Variants in ASIC2 observed in about 807,000 individuals in gnomAD.
ASIC2 encodes acid-sensing ion channel 2.
In ASIC2, 25 loss-of-function variants were observed where a neutral mutation model predicts 57.3. The observed-to-expected ratio is 0.44, with a 90% CI of 0.32 to 0.61. The LOEUF (loss-of-function observed/expected upper bound fraction) is 0.61. Ranked by LOEUF, ASIC2 falls within the 20% of genes least tolerant of loss-of-function variation. The pLI is 0.06. For missense variants in ASIC2, 641 were observed against 738.1 expected (o/e 0.87, Z 1.52); for synonymous variants, 319 against 307.5 (o/e 1.04, Z -0.39).
chr17:33,699,291 G>T (rs1422812945), intron 1 of ASIC2, among the ~76,000 whole-genome samples: 2 of 152,132 alleles, frequency 1.3e-5, no homozygotes, highest in African/African-American at 2.4e-5. Context: ...TCCTTAGCGT[G>T]GAGCTTCTGG....
At chr17:33,179,161 A>G (rs891521257) in intron 1 of ASIC2, among the ~76,000 whole-genome samples, 6 of 152,088 alleles carry the variant, frequency 3.9e-5, no homozygotes, top group Admixed American at 1.3e-4. Flanking sequence ...AGGCTCAAAC[A>G]CTATGTAGCC....
chr17:33,214,563 T>C (rs944592486), intron 1 of ASIC2, among the ~76,000 whole-genome samples: 7 of 152,222 alleles, frequency 4.6e-5, no homozygotes, highest in African/African-American at 1.7e-4. Flanking sequence ...TCATCTTCAA[T>C]CTCAAAGCCT....
intron 1 of ASIC2, among the ~76,000 whole-genome samples, chr17:34,154,968 C>A (rs1312263293): frequency 6.6e-6 from 1 of 152,114 alleles, no homozygotes; most frequent in African/African-American, 2.4e-5. Context: ...AACTGGAGAA[C>A]CCTGGCAGCA....
chr17:33,746,413 T>A (rs189273176), intron 1 of ASIC2, among the ~76,000 whole-genome samples: 159 of 147,882 alleles, frequency 1.1e-3, no homozygotes, highest in Non-Finnish European at 1.5e-3. Context: ...TGTATGTATA[T>A]CTGTAGATAC....
intron 1 of ASIC2, among the ~76,000 whole-genome samples, chr17:33,553,479 G>A (rs1915811246): frequency 6.8e-6 from 1 of 147,770 alleles, no homozygotes; most frequent in South Asian, 2.1e-4. Flanking sequence ...TTGGGAGGCA[G>A]ATCCTTTATT....
At chr17:33,841,933 A>G (rs1913449282) in intron 1 of ASIC2, among the ~76,000 whole-genome samples, 2 of 152,064 alleles carry the variant, frequency 1.3e-5, no homozygotes, top group African/African-American at 2.4e-5. Context: ...GCCGCCTTAT[A>G]TACGGAGAAT....
rs115200079 is a variant in ASIC2 at position 33,439,592 on chromosome 17, T to C, written c.556-327525A>G. ...GTGTACTCCATACTCATTGGTGCTT[T>C]ATTTGAGTGGGGTTTCAGGCATGTT... On this transcript the variant is annotated intron_variant, in intron 1 of 9. Transcript: ENST00000359872. 1.9e-3 allele frequency among the ~76,000 whole-genome samples: 282 copies of C among 152,264 alleles called. 1 individual carries two copies. The highest frequency in any genetic ancestry group is 6.2e-3 in the African/African-American group (258 of 41,548).
At chr17:33,284,835 T>C (rs1031158195) in intron 1 of ASIC2, among the ~76,000 whole-genome samples, 4 of 152,188 alleles carry the variant, frequency 2.6e-5, no homozygotes, top group Admixed American at 6.5e-5. Context: ...AGGTACCCAA[T>C]ACAAATCCTA....
At chr17:34,151,121 A>AT (rs200309922) in intron 1 of ASIC2, among the ~76,000 whole-genome samples, 187 of 150,738 alleles carry the variant, frequency 1.2e-3, no homozygotes, top group African/African-American at 3.2e-3. Flanking sequence ...AAAAAAAAAA[A>AT]AAAATAAAGA....
intron 1 of ASIC2, among the ~76,000 whole-genome samples, chr17:33,303,817 A>G (rs1243115826): frequency 1.3e-5 from 2 of 152,108 alleles, no homozygotes; most frequent in Admixed American, 6.5e-5. Context: ...TTCATTCAAT[A>G]TTTCTCAGCA....
chr17:34,151,902 A>G (rs552772464), intron 1 of ASIC2, among the ~76,000 whole-genome samples: 4 of 152,298 alleles, frequency 2.6e-5, no homozygotes, highest in African/African-American at 9.6e-5. Flanking sequence ...AGATGAGACA[A>G]TCAAGGTTAA....
chr17:34,101,964 T>A lies in ASIC2; in HGVS notation c.555+54014A>T, dbSNP rs186304895. ...AATAATTATAGCTTACAGTTCTACTTTTACATTTTATAAACACCTAAATGC... is the reference window on the plus strand; with the variant it reads ...AATAATTATAGCTTACAGTTCTACTATTACATTTTATAAACACCTAAATGC... On this transcript the variant is annotated intron_variant, in intron 1 of 9. Coordinates refer to the ASIC2 transcript ENST00000359872. Among the ~76,000 whole-genome samples, 379 of 152,284 alleles carry A rather than the reference T, an allele frequency of 2.5e-3. 2 individuals are homozygous for A. Among genetic ancestry groups the A allele is most frequent in the African/African-American group, 8.9e-3 (370 of 41,558 alleles).
At chr17:34,037,569 G>A (rs1037526120) in intron 1 of ASIC2, 17 of 1,420,388 alleles carry the variant, frequency 1.2e-5, no homozygotes, top group African/African-American at 4.5e-5. Context: ...GCTGCTGAAC[G>A]CCATTTGTCC....
At chr17:33,238,636 C>A (rs1908385888) in intron 1 of ASIC2, among the ~76,000 whole-genome samples, 1 of 152,232 alleles carries the variant, frequency 6.6e-6, no homozygotes, top group African/African-American at 2.4e-5. Flanking sequence ...ACCGGGCCCA[C>A]TCCTGCCTCA....
intron 1 of ASIC2, among the ~76,000 whole-genome samples, chr17:33,126,695 A>G (rs1404307898): frequency 6.6e-6 from 1 of 151,642 alleles, no homozygotes; most frequent in Non-Finnish European, 1.5e-5. Flanking sequence ...CTGAGGCAGG[A>G]GAATCGCTTG....
chr17:33,415,745 C>CAGAG (rs1205763757), intron 1 of ASIC2, among the ~76,000 whole-genome samples: 4 of 152,064 alleles, frequency 2.6e-5, no homozygotes, highest in Non-Finnish European at 4.4e-5. Context: ...AATAAGATAG[C>CAGAG]AGAGAGAGCA....
chr17:33,666,898 T>C (rs1907492081), intron 1 of ASIC2, among the ~76,000 whole-genome samples: 1 of 152,210 alleles, frequency 6.6e-6, no homozygotes, highest in East Asian at 1.9e-4. Context: ...TTCAGATCAA[T>C]AAATAATGAT....
At chr17:33,017,725 A>T in intron 7 of ASIC2, 41 bp from the exon 8 acceptor site, 2 of 1,575,232 alleles carry the variant, frequency 1.3e-6, no homozygotes, top group Non-Finnish European at 1.7e-6. Flanking sequence ...GCTTTTATGC[A>T]GCTTCCAGGA....
upstream of ASIC2, among the ~76,000 whole-genome samples, chr17:33,297,702 T>C (rs1225500736): frequency 3.3e-5 from 5 of 151,944 alleles, no homozygotes; most frequent in African/African-American, 1.2e-4. Flanking sequence ...TGCACGTCTG[T>C]AGTTCTAGTT....
Sources: allele counts gnomAD v4.1 joint callset (sites outside exome capture counted in the v4.1 genomes callset), GRCh38; gene constraint gnomAD v4.1.1; transcripts MANE v1.5; gene names NCBI Gene and HGNC (gene_info 2026-07-23, HGNC 2026-07-21).